Variants in NCAPD3 observed in about 807,000 individuals in gnomAD.
The protein encoded by NCAPD3 is condensin-2 complex subunit D3.
Under a neutral mutation model 182.9 loss-of-function variants are expected in NCAPD3, and 105 were observed. That is an observed-to-expected ratio of 0.57 (90% CI 0.49 to 0.68). The LOEUF (loss-of-function observed/expected upper bound fraction) is 0.68. Ranked by LOEUF, NCAPD3 falls within the 30% of genes least tolerant of loss-of-function variation. The pLI is 0.00. For missense variants in NCAPD3, 1,944 were observed against 1,837.0 expected (o/e 1.06, Z -1.07); for synonymous variants, 815 against 679.9 (o/e 1.20, Z -3.09).
chr11:134,204,130 G>A lies in NCAPD3; in HGVS notation c.1131C>T (p.Ser377=), dbSNP rs201751969. The A allele has an allele frequency of 9.5e-5, 153 of 1,614,036 alleles. No homozygotes were observed. In the African/African-American group the frequency reaches 1.8e-3, roughly 19 times the overall value. ...GAAGTTTACTGAGCAGCTGGACTAG[G>A]GACTGGGCTGCAAAAGTACGATACT... ...KSEYRTFAAQ[S]LVQLLSKLPC... Residue 377 remains serine (S), a synonymous_variant, in exon 10 of 35, where the codon TCC becomes TCT. Transcript: ENST00000534548. This position sits in a 1 kb window ranked among gnomAD's most constrained non-coding sequence, Gnocchi z 4.3.
At chr11:134,158,306 T>C (rs368535525) in intron 30 of NCAPD3, 23 bp downstream of exon 30, 24 of 1,613,010 alleles carry the variant, frequency 1.5e-5, no homozygotes, top group African/African-American at 2.7e-5. Context: ...CCAGCCCTGA[T>C]GTGGCCTCCA....
intron 27 of NCAPD3, 98 bp downstream of exon 27, chr11:134,167,898 T>A (rs1943902577): frequency 3.8e-6 from 4 of 1,059,442 alleles, no homozygotes; most frequent in Non-Finnish European, 4.2e-6. Context: ...CACTCACTTG[T>A]GAGATGAGCT....
intron 28 of NCAPD3, among the ~76,000 whole-genome samples, chr11:134,160,864 CTGTG>C (rs1289275914): frequency 6.6e-6 from 1 of 151,938 alleles, no homozygotes; most frequent in East Asian, 1.9e-4. Flanking sequence ...TGTGGCCATC[CTGTG>C]TGTGTGCTCA....
At position 134,180,103 on chromosome 11, in the gene NCAPD3, A is replaced by G. The variant is rs1049446068; in HGVS notation, c.2559+974T>C. Among the ~76,000 whole-genome samples, 3 of 152,212 alleles carry G rather than the reference A, an allele frequency of 2.0e-5. No individual in the cohort carries two copies. In the East Asian group the frequency reaches 5.8e-4, roughly 29 times the overall value. On this transcript the variant is annotated intron_variant, in intron 20 of 34. Coordinates refer to ENST00000534548, the MANE Select transcript of NCAPD3 (RefSeq NM_015261.3). ...TTTCTTAATGTGGGCAGAAATGAGA[A>G]GAGCAAGACCCTCTAGAAGCCCTGG...
At chr11:134,162,216 C>T (rs1943602995) in intron 27 of NCAPD3, among the ~76,000 whole-genome samples, 1 of 152,214 alleles carries the variant, frequency 6.6e-6, no homozygotes, top group Admixed American at 6.5e-5. Context: ...GGGACCTTGG[C>T]TCTTGCTCCA....
Position 134,159,972 on chromosome 11 carries a change from G to A in NCAPD3, c.3787C>T (p.Leu1263=), listed in dbSNP as rs1943531779. ...EYDMKKYQEQ[L]VQEQELAKHA... ...TTTGCTAGCTCCTGCTCCTGGACCA[G>A]CTGTTCCTGGTACTTCTTCATGTCA... Residue 1263 remains leucine, a synonymous_variant, in exon 29 of 35, where the codon CTG becomes TTG. Transcript: ENST00000534548. The A allele has an allele frequency of 1.9e-6, 3 of 1,613,986 alleles. No homozygotes were observed. Among genetic ancestry groups the A allele is most frequent in the Non-Finnish European group, 2.5e-6 (3 of 1,180,060 alleles).
intron 32 of NCAPD3, among the ~76,000 whole-genome samples, chr11:134,155,720 G>A (rs1277819126): frequency 6.6e-6 from 1 of 152,132 alleles, no homozygotes; most frequent in Non-Finnish European, 1.5e-5. Context: ...CAAAATAGAA[G>A]CTCTTGGCAC....
intron 19 of NCAPD3, among the ~76,000 whole-genome samples, chr11:134,183,482 T>A (rs1448970771): frequency 6.6e-6 from 1 of 152,136 alleles, no homozygotes; most frequent in African/African-American, 2.4e-5. Context: ...GCACGAGAAT[T>A]GCTTGAACCT....
At chr11:134,224,260 T>C (rs967730294), upstream of NCAPD3, 31 of 430,440 alleles carry the variant, frequency 7.2e-5, no homozygotes, top group Admixed American at 7.6e-4. Flanking sequence ...GTATCTGAGA[T>C]AGGGTACTTC....
chr11:134,160,089 G>A lies in NCAPD3; in HGVS notation c.3685-15C>T. Reference sequence around the variant, plus strand: ...TGCATCACCTCCTGAAACAGAGCCAGGAGCATCCTTTCATGTTTTCTTGAA... The same window carrying A: ...TGCATCACCTCCTGAAACAGAGCCAAGAGCATCCTTTCATGTTTTCTTGAA... On this transcript the variant is annotated splice_polypyrimidine_tract_variant and intron_variant, in intron 28 of 34. Coordinates refer to ENST00000534548, the MANE Select transcript of NCAPD3 (RefSeq NM_015261.3). The A allele has an allele frequency of 2.5e-6, 4 of 1,611,390 alleles. No individual in the cohort carries two copies. Among genetic ancestry groups the A allele is most frequent in the Non-Finnish European group, 3.4e-6 (4 of 1,178,504 alleles).
intron 13 of NCAPD3, 62 bp from the exon 14 acceptor site, chr11:134,194,800 T>G (rs1591849021): frequency 2.7e-6 from 3 of 1,125,386 alleles, no homozygotes; most frequent in South Asian, 1.4e-5. Context: ...AGCTAACATT[T>G]CACCACACAA....
chr11:134,201,565 T>G (rs1297553495), intron 13 of NCAPD3, among the ~76,000 whole-genome samples: 1 of 152,208 alleles, frequency 6.6e-6, no homozygotes, highest in Non-Finnish European at 1.5e-5. Context: ...AAAGTGCATC[T>G]AAGTGACTAT....
At chr11:134,171,205 G>A (rs1289793455) in intron 24 of NCAPD3, among the ~76,000 whole-genome samples, 3 of 152,098 alleles carry the variant, frequency 2.0e-5, no homozygotes, top group Non-Finnish European at 4.4e-5. Context: ...ACCAACTCAG[G>A]GATGCGGTCT....
chr11:134,206,449 A>T, intron 8 of NCAPD3, 150 bp downstream of exon 8: 1 of 984,498 alleles, frequency 1.0e-6, no homozygotes, highest in Non-Finnish European at 1.6e-6. Flanking sequence ...AGACACATAA[A>T]GCACATTAGC....
At chr11:134,172,347 C>G (rs1455614946) in intron 24 of NCAPD3, among the ~76,000 whole-genome samples, 1 of 152,214 alleles carries the variant, frequency 6.6e-6, no homozygotes, top group Admixed American at 6.5e-5. Flanking sequence ...ACGTCGTGGA[C>G]CCTGTTGCCA....
In NCAPD3 at chr11:134,178,871, G is replaced by C. The variant is rs1944230818; in HGVS notation, c.2625C>G (p.Ile875Met). ...QLCPARVEKR[I>M]FLLIQSVLAS... ...CCAGGACGGACTGAATCAGAAGGAA[G>C]ATGCGCTTCTCCACCCTGGCTGGAC... is the stretch of plus-strand genomic sequence containing the variant. The change falls in exon 21 of 35, where the codon ATC (isoleucine) becomes ATG (methionine). Residue 875 changes from isoleucine (I) to methionine (M), a missense_variant. This residue lies in a region of NCAPD3 where 1,803 missense variants were observed against 1,674.6 expected (regional missense o/e 1.08). Coordinates refer to ENST00000534548, the MANE Select transcript of NCAPD3 (RefSeq NM_015261.3). The C allele has an allele frequency of 6.2e-7, 1 of 1,614,172 alleles. No homozygotes were observed. Among genetic ancestry groups the C allele is most frequent in the Non-Finnish European group, 8.5e-7 (1 of 1,180,022 alleles).
chr11:134,217,031 A>G lies in NCAPD3; in HGVS notation c.287T>C (p.Phe96Ser). 6.2e-7 allele frequency: 1 copy of G among 1,614,022 alleles called. No individual in the cohort carries two copies. The highest frequency in any genetic ancestry group is 8.5e-7 in the Non-Finnish European group (1 of 1,179,916). Residue 96 changes from phenylalanine (F) to serine (S), a missense_variant, in exon 3 of 35, where the codon TTT becomes TCT. This residue lies in a region of NCAPD3 where 131 missense variants were observed against 133.9 expected (regional missense o/e 0.98). Transcript: ENST00000534548. ...HSTLVALFYH[F>S]VQIVHKKNVS... is the part of the protein sequence containing the mutation. ...ATTCTTCTTATGAACTATTTGAACAAAATGATAGAACAATGCCACCAGTGT... is the reference window on the plus strand; with the variant it reads ...ATTCTTCTTATGAACTATTTGAACAGAATGATAGAACAATGCCACCAGTGT...
At chr11:134,182,946 T>C (rs2135983132) in intron 19 of NCAPD3, 1 of 329,366 alleles carries the variant, frequency 3.0e-6, no homozygotes, top group East Asian at 9.1e-5. Flanking sequence ...GTCGGCAGAT[T>C]AAAACCGTGG....
rs930240426 is a variant in NCAPD3, at chr11:134,158,504, G to C, written c.3868-9C>G. 23 of 1,611,388 alleles carry C rather than the reference G, an allele frequency of 1.4e-5. No individual in the cohort carries two copies. Among genetic ancestry groups the C allele is most frequent in the Non-Finnish European group, 1.8e-5 (21 of 1,179,106 alleles). On this transcript the variant is annotated splice_polypyrimidine_tract_variant and intron_variant, in intron 29 of 34. Transcript: ENST00000534548. ...TCTAAACACAGGGCAACCTGGTAGA[G>C]AAGATAAAGAGTATGTACATTCTAA...
Sources: allele counts gnomAD v4.1 joint callset (sites outside exome capture counted in the v4.1 genomes callset), GRCh38; gene constraint gnomAD v4.1.1; regional missense constraint gnomAD v4.1.1; non-coding constraint Gnocchi (gnomAD v3.1); transcripts MANE v1.5; gene names NCBI Gene and HGNC (gene_info 2026-07-23, HGNC 2026-07-21).